Variants in DOCK8 observed in about 807,000 individuals in gnomAD.
The protein encoded by DOCK8 is dedicator of cytokinesis protein 8.
DOCK8 carries 141 observed loss-of-function variants against 245.6 expected under a neutral mutation model. The ratio of observed to expected loss-of-function variants is 0.57; its 90% CI spans 0.50 to 0.66. The LOEUF is 0.66. DOCK8 is among the 30% of genes least tolerant of loss of function. The probability of loss-of-function intolerance (pLI) is 0.00; values close to 1 mark genes in which losing one functional copy is unlikely to be tolerated. For synonymous variants in DOCK8, 1,168 were observed against 970.2 expected, an observed-to-expected ratio of 1.20 and a Z score of -3.79; for missense variants, 2,965 against 2,603.4, an observed-to-expected ratio of 1.14 and a Z score of -3.02.
In DOCK8 at chr9:218,881, C is replaced by T. The variant is rs895466595; in HGVS notation, c.53+3852C>T. 2.0e-5 allele frequency among the ~76,000 whole-genome samples: 3 copies of T among 152,240 alleles called. No homozygotes were observed. In the South Asian group the frequency reaches 6.2e-4, roughly 32 times the overall value. ...GAGACAGTTCTAAATATTTACATAT[C>T]GTAACTCATTCACCTCTATGAGATA... On this transcript the variant is annotated intron_variant, in intron 1 of 47. Coordinates refer to ENST00000432829, the MANE Select transcript of DOCK8 (RefSeq NM_203447.4).
intron 14 of DOCK8, among the ~76,000 whole-genome samples, chr9:353,072 G>A (rs1232302666): frequency 1.3e-5 from 2 of 152,100 alleles, no homozygotes; most frequent in African/African-American, 2.4e-5. Context: ...TAGACAAGGA[G>A]GGGACTGCCT....
intron 7 of DOCK8, among the ~76,000 whole-genome samples, chr9:323,968 CTTGGCA>C (rs2050639152): frequency 6.6e-6 from 1 of 152,194 alleles, no homozygotes; most frequent in Non-Finnish European, 1.5e-5. Context: ...AGTGCTGCTA[CTTGGCA>C]TTGTTTTTAA....
At chr9:398,086 A>T (rs914209765) in intron 25 of DOCK8, among the ~76,000 whole-genome samples, 3 of 152,240 alleles carry the variant, frequency 2.0e-5, no homozygotes, top group African/African-American at 7.2e-5. Context: ...TCATTCGGTT[A>T]TTCCTCATGG....
chr9:415,665 C>A (rs892045387), intron 29 of DOCK8, among the ~76,000 whole-genome samples: 1 of 130,864 alleles, frequency 7.6e-6, no homozygotes, highest in Non-Finnish European at 1.6e-5. Flanking sequence ...CCACAGCGTA[C>A]GTGTGTGTGC....
At chr9:400,186 TTCACCA>T (rs1433164232) in intron 26 of DOCK8, among the ~76,000 whole-genome samples, 30 of 57,508 alleles carry the variant, frequency 5.2e-4, no homozygotes, top group African/African-American at 1.6e-3. Flanking sequence ...CACCACCTCC[TTCACCA>T]TCACCATCAC....
intron 2 of DOCK8, among the ~76,000 whole-genome samples, chr9:274,088 C>T (rs557399730): frequency 1.8e-4 from 28 of 152,220 alleles, no homozygotes; most frequent in Non-Finnish European, 1.8e-4. Flanking sequence ...GAAAATAATG[C>T]TTAATATCTG....
Position 446,375 on chromosome 9 carries a change from C to T in DOCK8, c.5586C>T (p.Tyr1862=). The T allele has an allele frequency of 1.2e-6, 2 of 1,614,020 alleles. No individual in the cohort carries two copies. Among genetic ancestry groups the T allele is most frequent in the Non-Finnish European group, 8.5e-7 (1 of 1,179,830 alleles). ...CCGTGCCTTTTCCCCCTTAGGCCTA[C>T]ATACAGATCACTTTTGTGGAGCCCT... ...DKTKLDPNKA[Y]IQITFVEPYF... Residue 1862 remains tyrosine (Y), a synonymous_variant, in exon 44 of 48, where the codon TAC becomes TAT. Transcript: ENST00000432829.
chr9:311,906 T>C (rs1347289859), intron 5 of DOCK8, 48 bp from the exon 6 acceptor site: 8 of 1,605,626 alleles, frequency 5.0e-6, no homozygotes, highest in Non-Finnish European at 6.8e-6. Context: ...CGGTTCTCAT[T>C]TTAGACTTGC....
intron 1 of DOCK8, among the ~76,000 whole-genome samples, chr9:262,062 C>T (rs984743294): frequency 1.0e-4 from 15 of 148,688 alleles, no homozygotes; most frequent in Non-Finnish European, 3.0e-5. Context: ...ATGTTACAAA[C>T]ATGTATATGT....
chr9:382,662 G>C lies in DOCK8; in HGVS notation c.2755G>C (p.Val919Leu), dbSNP rs1458532764. Residue 919 changes from valine (V) to leucine (L), a missense_variant, in exon 22 of 48, where the codon GTG becomes CTG. Physicochemically the swap from Val to Leu is conservative, Grantham distance 32 (BLOSUM62 1). Transcript: ENST00000432829. ...GACACACTCCGCAGCAGACGAGGAAGTGAAGAACATCATGTCTTCAAAGGT... is the reference window on the plus strand; with the variant it reads ...GACACACTCCGCAGCAGACGAGGAACTGAAGAACATCATGTCTTCAAAGGT... The part of the protein sequence containing the change: ...AGTHSAADEE[V>L]KNIMSSKIAD... 1 of 1,614,196 alleles carries C rather than the reference G, an allele frequency of 6.2e-7. No homozygotes were observed. The highest frequency in any genetic ancestry group is 1.3e-5 in the African/African-American group (1 of 75,060).
chr9:215,475 C>T, intron 1 of DOCK8: 1 of 1,478,020 alleles, frequency 6.8e-7, no homozygotes, highest in Non-Finnish European at 9.0e-7. Flanking sequence ...GCGTTTGAGG[C>T]AGGCTGCAAG....
intron 1 of DOCK8, among the ~76,000 whole-genome samples, chr9:249,527 A>T (rs867834294): frequency 1.3e-5 from 2 of 152,182 alleles, no homozygotes; most frequent in Non-Finnish European, 2.9e-5. Context: ...TAAGAGTAAT[A>T]CAATTCTTAC....
chr9:307,338 G>GTTTT (rs1165775428), intron 5 of DOCK8, among the ~76,000 whole-genome samples: 6 of 51,218 alleles, frequency 1.2e-4, no homozygotes, highest in South Asian at 7.3e-4. Flanking sequence ...GGTTTTTTTT[G>GTTTT]TTTTTTTTTT....
chr9:414,925 C>CT lies in DOCK8; in HGVS notation c.3677dup (p.Leu1226PhefsTer6). ...CCTTTAGTTGGCATCATTTTGGATG[C>CT]TTTGCCACAGCTCTGTGACTTTACA... On this transcript the variant is annotated frameshift_variant, in exon 29 of 48. Coordinates refer to ENST00000432829, the MANE Select transcript of DOCK8 (RefSeq NM_203447.4). LOFTEE classifies it high-confidence loss of function. The CT allele has an allele frequency of 6.2e-7, 1 of 1,613,960 alleles. No individual in the cohort carries two copies. Among genetic ancestry groups the CT allele is most frequent in the Non-Finnish European group, 8.5e-7 (1 of 1,180,026 alleles).
At chr9:235,598 C>A (rs943806193) in intron 1 of DOCK8, among the ~76,000 whole-genome samples, 1 of 152,190 alleles carries the variant, frequency 6.6e-6, no homozygotes, top group African/African-American at 2.4e-5. Context: ...ACTAACTCGG[C>A]AATGGTGGGC....
chr9:322,373 A>G (rs2050548154), intron 7 of DOCK8, among the ~76,000 whole-genome samples: 1 of 104,398 alleles, frequency 9.6e-6, no homozygotes, highest in Non-Finnish European at 2.0e-5. Context: ...GAAAAAGCCC[A>G]GGTTCTGTGA....
At chr9:214,389 G>T (rs1418950689), upstream of DOCK8, 119 of 842,648 alleles carry the variant, frequency 1.4e-4, 1 homozygote, top group Non-Finnish European at 3.8e-5. Flanking sequence ...TCTCAGGAAG[G>T]ATGATGGGCA....
rs138214925 is a variant in DOCK8, at chr9:220,538, G to A, written c.53+5509G>A. On this transcript the variant is annotated intron_variant, in intron 1 of 47. Coordinates refer to ENST00000432829, the MANE Select transcript of DOCK8 (RefSeq NM_203447.4). ...ACCTCAACTTTCCGTCCTCTTTAAG[G>A]GACCGTGAGAAGGTAGGGATGTTAC... 2.7e-3 allele frequency among the ~76,000 whole-genome samples: 415 copies of A among 152,176 alleles called. 1 individual carries two copies. The highest frequency in any genetic ancestry group is 9.7e-3 in the African/African-American group (403 of 41,520).
chr9:436,075 T>C (rs1450222709), intron 39 of DOCK8, among the ~76,000 whole-genome samples: 2 of 152,246 alleles, frequency 1.3e-5, no homozygotes, highest in Non-Finnish European at 2.9e-5. Flanking sequence ...TCAAAGTAGC[T>C]TCCCCAGGCT....
Sources: gnomAD v4.1 joint callset for allele counts (sites outside exome capture counted in the v4.1 genomes callset) on GRCh38, gnomAD v4.1.1 for gene constraint, MANE v1.5 for transcripts, NCBI Gene and HGNC (gene_info 2026-07-23, HGNC 2026-07-21) for gene names.